The following MNAT1 variants were observed in gnomAD, a reference collection of about 807,000 sequenced individuals.
MNAT1 encodes the protein CDK-activating kinase assembly factor MAT1.
In MNAT1, 43 loss-of-function variants were observed where a neutral mutation model predicts 42.0. The observed-to-expected ratio is 1.02, with a 90% confidence interval of 0.80 to 1.32. The LOEUF (loss-of-function observed/expected upper bound fraction) is 1.32. Ranked by LOEUF, MNAT1 falls within the 40% of genes most tolerant of loss-of-function variation. The pLI is 0.00. For synonymous variants in MNAT1, 118 were observed against 120.0 expected, an observed-to-expected ratio of 0.98 and a Z score of 0.11; for missense variants, 306 against 350.4, an observed-to-expected ratio of 0.87 and a Z score of 1.01.
intron 7 of MNAT1, among the ~76,000 whole-genome samples, chr14:60,891,054 G>T (rs554713033): frequency 8.6e-4 from 131 of 152,066 alleles, no homozygotes; most frequent in Non-Finnish European, 3.8e-4. Flanking sequence ...GTTTCATCTA[G>T]GTTACCCAGT....
At chr14:60,853,624 A>G (rs1376739942) in intron 6 of MNAT1, among the ~76,000 whole-genome samples, 2 of 152,190 alleles carry the variant, frequency 1.3e-5, no homozygotes, top group Non-Finnish European at 2.9e-5. Flanking sequence ...GTCTTATGCC[A>G]GTTTTCAAAG....
chr14:60,909,164 G>C (rs1039424053), intron 7 of MNAT1, among the ~76,000 whole-genome samples: 3 of 152,096 alleles, frequency 2.0e-5, no homozygotes, highest in African/African-American at 4.8e-5. Flanking sequence ...ACTTTTTGAT[G>C]GGGTTTTTTG....
intron 7 of MNAT1, among the ~76,000 whole-genome samples, chr14:60,928,745 TA>T (rs906075557): frequency 1.3e-5 from 2 of 151,964 alleles, no homozygotes; most frequent in African/African-American, 2.4e-5. Flanking sequence ...ATTTTTTAAA[TA>T]AAAAAATTAA....
At chr14:60,835,993 A>G (rs1378737209) in intron 6 of MNAT1, among the ~76,000 whole-genome samples, 1 of 151,954 alleles carries the variant, frequency 6.6e-6, no homozygotes, top group African/African-American at 2.4e-5. Context: ...TTGATCTTCT[A>G]TCTCTGATAT....
chr14:60,879,574 G>A, intron 6 of MNAT1, 140 bp from the exon 7 acceptor site: 1 of 721,810 alleles, frequency 1.4e-6, no homozygotes, highest in Middle Eastern at 3.8e-4. Flanking sequence ...ATGCTGCAAT[G>A]CATTGTACCC....
Position 60,755,677 on chromosome 14 carries a change from A to G in MNAT1, c.89+20726A>G, listed in dbSNP as rs112817872. Among the ~76,000 whole-genome samples, 191 of 152,392 alleles carry G rather than the reference A, an allele frequency of 1.3e-3. 1 individual carries two copies. Among genetic ancestry groups the G allele is most frequent in the African/African-American group, 4.4e-3 (182 of 41,592 alleles). On this transcript the variant is annotated intron_variant, in intron 1 of 7. Coordinates refer to ENST00000261245, the MANE Select transcript of MNAT1 (RefSeq NM_002431.4). ...CCATATGGGTAAATAATTTTTCATT[A>G]AACCTAGCGCAGCCAGTTTTCCTTC... is the stretch of plus-strand genomic sequence containing the variant.
chr14:60,804,400 A>G (rs944769852), intron 3 of MNAT1, among the ~76,000 whole-genome samples: 5 of 152,204 alleles, frequency 3.3e-5, no homozygotes, highest in Non-Finnish European at 4.4e-5. Context: ...TTAAAGGAAG[A>G]GACTTGTATT....
intron 3 of MNAT1, 77 bp downstream of exon 3, chr14:60,798,237 A>C (rs555522175): frequency 6.3e-5 from 47 of 746,404 alleles, no homozygotes; most frequent in African/African-American, 5.8e-4. Flanking sequence ...AGAACATCTC[A>C]CATAAAAACC....
At position 60,936,752 on chromosome 14, in the gene MNAT1, T is replaced by G. The variant is rs1012152194; in HGVS notation, c.810-31477T>G. ...TTGGGTATATACCCAGTAATGGGATTGCTGGGTCAAATGGTATTTCTAGTT... is the reference window on the plus strand; with the variant it reads ...TTGGGTATATACCCAGTAATGGGATGGCTGGGTCAAATGGTATTTCTAGTT... On this transcript the variant is annotated intron_variant, in intron 7 of 7. Transcript: ENST00000261245. Among the ~76,000 whole-genome samples, 14 of 152,158 alleles carry G rather than the reference T, an allele frequency of 9.2e-5. 1 individual carries two copies. Among genetic ancestry groups the G allele is most frequent in the South Asian group, 6.2e-4 (3 of 4,816 alleles).
At chr14:60,822,575 A>G (rs1466265603) in intron 6 of MNAT1, among the ~76,000 whole-genome samples, 3 of 149,314 alleles carry the variant, frequency 2.0e-5, no homozygotes, top group African/African-American at 7.4e-5. Flanking sequence ...ACAGGCTCAC[A>G]CCACCACTCT....
intron 7 of MNAT1, among the ~76,000 whole-genome samples, chr14:60,920,328 C>T (rs2139550401): frequency 6.6e-6 from 1 of 152,282 alleles, no homozygotes; most frequent in African/African-American, 2.4e-5. Flanking sequence ...CTACTTTCTG[C>T]ATCTTTACAC....
intron 7 of MNAT1, among the ~76,000 whole-genome samples, chr14:60,908,215 AG>A (rs1345948561): frequency 2.0e-5 from 3 of 152,200 alleles, no homozygotes; most frequent in Non-Finnish European, 2.9e-5. Context: ...CATGATATAA[AG>A]ATTATTTTAC....
chr14:60,958,841 G>A (rs2036535589), intron 7 of MNAT1, among the ~76,000 whole-genome samples: 1 of 151,928 alleles, frequency 6.6e-6, no homozygotes, highest in Non-Finnish European at 1.5e-5. Context: ...GAGTTTCACT[G>A]TGTTAGCCAG....
intron 1 of MNAT1, among the ~76,000 whole-genome samples, chr14:60,764,054 G>T (rs190468668): frequency 1.5e-4 from 23 of 152,250 alleles, no homozygotes; most frequent in Admixed American, 1.1e-3. Flanking sequence ...TGCCTAGCAT[G>T]GAAAATAGTT....
In MNAT1 at chr14:60,903,754, C is replaced by A. The variant is rs968303935; in HGVS notation, c.809+23919C>A. ...TACTGCTTTTTGGTCATAGTCTTTA[C>A]CTTCGTCTTTACCTTATAATATTGA... On this transcript the variant is annotated intron_variant, in intron 7 of 7. Coordinates refer to ENST00000261245, the MANE Select transcript of MNAT1 (RefSeq NM_002431.4). Among the ~76,000 whole-genome samples, 4 of 151,780 alleles carry A rather than the reference C, an allele frequency of 2.6e-5. No individual in the cohort carries two copies. In the East Asian group the frequency reaches 7.7e-4, roughly 29 times the overall value.
chr14:60,836,176 A>G (rs182596570), intron 6 of MNAT1, among the ~76,000 whole-genome samples: 1 of 152,202 alleles, frequency 6.6e-6, no homozygotes, highest in East Asian at 1.9e-4. Flanking sequence ...GCGTTGGGTT[A>G]TATCATGCTC....
Position 60,796,333 on chromosome 14 carries a change from A to G in MNAT1, c.206A>G (p.Asp69Gly). 6.2e-7 allele frequency: 1 copy of G among 1,613,604 alleles called. No individual in the cohort carries two copies. The highest frequency in any genetic ancestry group is 8.5e-7 in the Non-Finnish European group (1 of 1,179,664). The change falls in exon 2 of 8, where the codon GAC becomes GGC. Residue 69 changes from aspartate (D) to glycine (G), a missense_variant. By Grantham distance (94) the Asp-to-Gly change is moderately conservative (BLOSUM62 -1). Transcript: ENST00000261245. ...CAACTCTTTGAAGATCCCACTGTTG[A>G]CAAGGAGGTTGAGATCAGGAAAAAA... is the stretch of plus-strand genomic sequence containing the variant. ...RVQLFEDPTV[D>G]KEVEIRKKVL...
chr14:60,960,174 T>C (rs2036562779), intron 7 of MNAT1, among the ~76,000 whole-genome samples: 1 of 152,206 alleles, frequency 6.6e-6, no homozygotes, highest in South Asian at 2.1e-4. Context: ...ACCTTGTCTC[T>C]GTTATTATTG....
At chr14:60,841,382 TTG>T (rs1309735989) in intron 6 of MNAT1, among the ~76,000 whole-genome samples, 3 of 151,858 alleles carry the variant, frequency 2.0e-5, no homozygotes, top group Admixed American at 6.5e-5. Context: ...CATTTTAAAA[TTG>T]TGTGTGTTTT....
Sources: allele counts gnomAD v4.1 joint callset (sites outside exome capture counted in the v4.1 genomes callset), GRCh38; gene constraint gnomAD v4.1.1; transcripts MANE v1.5; gene names NCBI Gene and HGNC (gene_info 2026-07-23, HGNC 2026-07-21).